Variants in UNC79 observed in about 807,000 individuals in gnomAD.
UNC79 encodes the protein protein unc-79 homolog.
In UNC79, 37 loss-of-function variants were observed where a neutral mutation model predicts 283.1. The ratio of observed to expected loss-of-function variants is 0.13; its 90% CI spans 0.10 to 0.17. UNC79 has a LOEUF of 0.17. UNC79 is among the 10% of genes least tolerant of loss of function. UNC79 has a pLI of 1.00. For synonymous variants in UNC79, 1,107 were observed against 1,200.2 expected (o/e 0.92, Z 1.61); for missense variants, 2,272 against 3,211.1 (o/e 0.71, Z 7.07).
chr14:93,347,513 C>A, intron 1 of UNC79: 1 of 1,217,406 alleles, frequency 8.2e-7, no homozygotes, highest in Non-Finnish European at 1.1e-6. Flanking sequence ...GCTCTTGTGG[C>A]TTGGTCGCCG....
At chr14:93,597,253 C>G (rs2065144637) in intron 23 of UNC79, 106 bp from the exon 24 acceptor site, 1 of 1,265,996 alleles carries the variant, frequency 7.9e-7, no homozygotes, top group Non-Finnish European at 1.1e-6. Flanking sequence ...CCAGAGTTAA[C>G]TTTTTGTCTG....
intron 1 of UNC79, among the ~76,000 whole-genome samples, chr14:93,467,237 C>T (rs2057232900): frequency 6.6e-6 from 1 of 152,108 alleles, no homozygotes; most frequent in South Asian, 2.1e-4. Context: ...TGTAGAAAGA[C>T]TTTTCAGTTT....
At chr14:93,581,650 C>T (rs923727460) in intron 19 of UNC79, among the ~76,000 whole-genome samples, 37 of 151,968 alleles carry the variant, frequency 2.4e-4, no homozygotes, top group South Asian at 2.1e-4. Flanking sequence ...TGTGCCACCA[C>T]GCCCAGCTAA....
chr14:93,558,614 T>TACCA (rs1181015491), intron 14 of UNC79, among the ~76,000 whole-genome samples: 2 of 124,878 alleles, frequency 1.6e-5, no homozygotes, highest in Non-Finnish European at 1.7e-5. Context: ...TTTTTTTTTT[T>TACCA]TTTTTTTTTT....
intron 16 of UNC79, among the ~76,000 whole-genome samples, chr14:93,574,760 C>T (rs2063381032): frequency 6.6e-6 from 1 of 151,138 alleles, no homozygotes. Flanking sequence ...AGGTGGGGAT[C>T]TAAGGCACTA....
intron 1 of UNC79, among the ~76,000 whole-genome samples, chr14:93,403,872 C>CTTT (rs35901461): frequency 7.3e-6 from 1 of 137,750 alleles, no homozygotes; most frequent in African/African-American, 2.6e-5. Flanking sequence ...GAGCTAGACT[C>CTTT]TTTTTTTTTT....
chr14:93,456,224 C>G (rs1053142946), intron 1 of UNC79, among the ~76,000 whole-genome samples: 1 of 151,872 alleles, frequency 6.6e-6, no homozygotes, highest in Non-Finnish European at 1.5e-5. Context: ...CCCCTCAAAT[C>G]TTGTTTGGCT....
intron 38 of UNC79, among the ~76,000 whole-genome samples, chr14:93,658,434 A>G (rs907470632): frequency 5.9e-5 from 9 of 152,184 alleles, no homozygotes; most frequent in African/African-American, 2.2e-4. Context: ...ATTTTTTACT[A>G]TCTTGAGGAA....
At chr14:93,683,845 C>CA (rs559221988) in intron 42 of UNC79, among the ~76,000 whole-genome samples, 17,177 of 133,126 alleles carry the variant, frequency 0.13, 1,132 homozygotes, top group African/African-American at 0.21. Flanking sequence ...TTTTCTGTCT[C>CA]AAAAAAAAAA....
chr14:93,622,571 A>T, exon 30 of UNC79: 1 of 1,614,100 alleles, frequency 6.2e-7, no homozygotes. Context: ...GCTGATGCCA[A>T]GTTCAGGGGC....
At chr14:93,346,583 C>A (rs1012626459) in intron 1 of UNC79, among the ~76,000 whole-genome samples, 2 of 152,220 alleles carry the variant, frequency 1.3e-5, no homozygotes, top group Admixed American at 6.5e-5. Context: ...TTTTTTATAT[C>A]ATCAGCCGAC....
intron 1 of UNC79, among the ~76,000 whole-genome samples, chr14:93,376,893 A>G (rs536879783): frequency 6.8e-6 from 1 of 148,022 alleles, no homozygotes; most frequent in Non-Finnish European, 1.5e-5. Context: ...TATAAAATAT[A>G]TATTATATGT....
intron 7 of UNC79, among the ~76,000 whole-genome samples, chr14:93,498,972 C>T (rs2059158045): frequency 6.6e-6 from 1 of 152,156 alleles, no homozygotes; most frequent in African/African-American, 2.4e-5. Context: ...TATTTGTTCA[C>T]ATTATTGTTA....
intron 30 of UNC79, among the ~76,000 whole-genome samples, chr14:93,624,607 G>A (rs1459994177): frequency 6.6e-6 from 1 of 152,186 alleles, no homozygotes; most frequent in Non-Finnish European, 1.5e-5. Flanking sequence ...GACTACCAGG[G>A]AGGAAATTAT....
exon 30 of UNC79, chr14:93,622,779 A>T (rs373959318): frequency 5.6e-6 from 9 of 1,614,010 alleles, no homozygotes; most frequent in African/African-American, 1.3e-5. Context: ...AGTGCTATCC[A>T]GAGAGAGTAC....
At chr14:93,623,477 C>T (rs1008403977) in intron 30 of UNC79, among the ~76,000 whole-genome samples, 4 of 152,198 alleles carry the variant, frequency 2.6e-5, no homozygotes, top group Non-Finnish European at 5.9e-5. Flanking sequence ...GGCATTGTTT[C>T]TAAGAAAGAT....
intron 8 of UNC79, among the ~76,000 whole-genome samples, chr14:93,526,389 T>C (rs2146506): frequency 0.3 from 46,079 of 152,038 alleles, 7,375 homozygotes; most frequent in East Asian, 0.65. Flanking sequence ...TTTTATAGTA[T>C]GATGTTTAAA....
intron 30 of UNC79, among the ~76,000 whole-genome samples, chr14:93,629,751 A>G (rs1420820988): frequency 6.6e-6 from 1 of 152,254 alleles, no homozygotes; most frequent in African/African-American, 2.4e-5. Flanking sequence ...CTGGCAAGAA[A>G]AAACAATTTG....
intron 23 of UNC79, 60 bp from the exon 24 acceptor site, chr14:93,597,299 A>G (rs2065146990): frequency 3.2e-6 from 5 of 1,543,964 alleles, no homozygotes; most frequent in Non-Finnish European, 4.4e-6. Flanking sequence ...ATAAATGTGT[A>G]TGCGTGTGCC....
Sources: gnomAD v4.1 joint callset for allele counts (sites outside exome capture counted in the v4.1 genomes callset) on GRCh38, gnomAD v4.1.1 for gene constraint, MANE v1.5 for transcripts, NCBI Gene and HGNC (gene_info 2026-07-23, HGNC 2026-07-21) for gene names.